The following IL17RE variants were observed in gnomAD, a reference collection of about 807,000 sequenced individuals.
The protein encoded by IL17RE is interleukin 17 receptor E, also known as interleukin-17 receptor E.
In IL17RE, 47 loss-of-function variants were observed where a neutral mutation model predicts 70.7. The ratio of observed to expected loss-of-function variants is 0.67; its 90% CI spans 0.53 to 0.85. The LOEUF (loss-of-function observed/expected upper bound fraction) is 0.85, where lower values mean the gene tolerates loss of function less well. IL17RE is among the 40% of genes least tolerant of loss of function. The pLI, the probability that IL17RE is intolerant of heterozygous loss-of-function variation, is 0.00. For synonymous variants in IL17RE, 372 were observed against 381.2 expected, an observed-to-expected ratio of 0.98 and a Z score of 0.28; for missense variants, 850 against 893.9, an observed-to-expected ratio of 0.95 and a Z score of 0.63.
In IL17RE at chr3:9,907,163, A is replaced by G. The variant is rs367864144; in HGVS notation, c.666+63A>G. ...ACAGTGCTAGCAAAAGAGGCCACCC[A>G]TTGTACAAATGAGGAAACTGAGGCC... On this transcript the variant is annotated intron_variant, in intron 6 of 15. Transcript: ENST00000383814. 4.1e-3 allele frequency: 6,570 copies of G among 1,597,860 alleles called. 179 individuals carry two copies. The South Asian group carries it at 0.048, about 12-fold the overall frequency.
Position 9,915,612 on chromosome 3 carries a change from C to T in IL17RE, c.1809C>T (p.Ile603=), listed in dbSNP as rs1204937378. Residue 603 remains isoleucine, a synonymous_variant, in exon 16 of 16, where the codon ATC becomes ATT. Coordinates refer to ENST00000383814, the MANE Select transcript of IL17RE (RefSeq NM_153480.2). The surrounding 1 kb of genome is among the most constrained non-coding windows in gnomAD (Gnocchi z 4.9). ...YFSRLCAKGD[I]PPPLRALPRY... ...GTCGCCTCTGCGCCAAGGGCGACATCCCCCCGCCGCTGCGCGCCCTGCCGC... is the reference window on the plus strand; with the variant it reads ...GTCGCCTCTGCGCCAAGGGCGACATTCCCCCGCCGCTGCGCGCCCTGCCGC... 1.2e-4 allele frequency: 176 copies of T among 1,415,746 alleles called. No individual in the cohort carries two copies. Among genetic ancestry groups the T allele is most frequent in the Non-Finnish European group, 1.5e-4 (163 of 1,088,288 alleles). The allele number at this position is 1,415,746 out of a possible 1,614,324, so 87.7% of individuals were successfully genotyped here.
chr3:9,904,216 G>A, intron 3 of IL17RE, 65 bp downstream of exon 3: 1 of 1,576,076 alleles, frequency 6.3e-7, no homozygotes, highest in Non-Finnish European at 8.7e-7. Flanking sequence ...CACCTAGGCT[G>A]AGCAAGTGGG....
intron 12 of IL17RE, among the ~76,000 whole-genome samples, chr3:9,912,861 T>C (rs1351562295): frequency 6.6e-6 from 1 of 152,122 alleles, no homozygotes; most frequent in African/African-American, 2.4e-5. Context: ...AGCATAAGAC[T>C]CTGACTCTAA....
intron 2 of IL17RE, among the ~76,000 whole-genome samples, chr3:9,903,800 C>T (rs151135384): frequency 1.3e-5 from 2 of 152,292 alleles, no homozygotes; most frequent in East Asian, 3.9e-4. Flanking sequence ...AACAATAATC[C>T]TTCCTATTTT....
At position 9,915,326 on chromosome 3, in the gene IL17RE, T is replaced by C. The variant is rs1005167246; in HGVS notation, c.1523T>C (p.Leu508Pro). 4 of 1,397,096 alleles carry C rather than the reference T, an allele frequency of 2.9e-6. No homozygotes were observed. Among genetic ancestry groups the C allele is most frequent in the Non-Finnish European group, 2.8e-6 (3 of 1,084,594 alleles). 86.5% of individuals were successfully genotyped at this position (1,397,096 alleles called of 1,614,324 possible). A position where few individuals can be genotyped will look rare whatever the true frequency, so the allele number is the denominator to read the frequency against. The change falls in exon 16 of 16, where the codon CTG becomes CCG. Residue 508 changes from leucine to proline, a missense_variant. Transcript: ENST00000383814. This position sits in a 1 kb window ranked among gnomAD's most constrained non-coding sequence, Gnocchi z 4.9. ...SEAQRRLVGA[L>P]AELLRAALGG... ...GCGCAGCGGCGCCTGGTGGGAGCGC[T>C]GGCTGAACTGCTACGGGCAGCGCTG...
chr3:9,911,576 C>G lies in IL17RE; in HGVS notation c.1206C>G (p.Pro402=), dbSNP rs905537517. 1 of 1,613,656 alleles carries G rather than the reference C, an allele frequency of 6.2e-7. No homozygotes were observed. Among genetic ancestry groups the G allele is most frequent in the East Asian group, 2.2e-5 (1 of 44,848 alleles). Residue 402 remains proline, a synonymous_variant, in exon 12 of 16, where the codon CCC becomes CCG. Transcript: ENST00000383814. ...LPGLGQDTLV[P]PVYTVSQARG... ...GCTTGGGGCAGGACACTTTGGTGCC[C>G]CCCGTGTACACTGTCAGCCAGGTAT...
At chr3:9,914,256 G>C in intron 13 of IL17RE, 1 of 715,190 alleles carries the variant, frequency 1.4e-6, no homozygotes, top group South Asian at 2.0e-5. Context: ...GGTGACAATG[G>C]CCTGGAGCTC....
intron 12 of IL17RE, among the ~76,000 whole-genome samples, chr3:9,913,036 G>A (rs1240566335): frequency 6.6e-6 from 1 of 152,082 alleles, no homozygotes; most frequent in South Asian, 2.1e-4. Context: ...TATTTAAAAA[G>A]ACATTCATGT....
chr3:9,915,529 C>T lies in IL17RE; in HGVS notation c.1726C>T (p.Pro576Ser). 2 of 1,339,468 alleles carry T rather than the reference C, an allele frequency of 1.5e-6. No individual in the cohort carries two copies. Among genetic ancestry groups the T allele is most frequent in the Non-Finnish European group, 1.9e-6 (2 of 1,052,084 alleles). The allele number at this position is 1,339,468 out of a possible 1,614,324, so 83.0% of individuals were successfully genotyped here. A position where few individuals can be genotyped will look rare whatever the true frequency, so the allele number is the denominator to read the frequency against. The change falls in exon 16 of 16, where the codon CCC (proline) becomes TCC (serine). Residue 576 changes from proline to serine, a missense_variant. Physicochemically the swap from Pro to Ser is moderately conservative, Grantham distance 74. Transcript: ENST00000383814. This position sits in a 1 kb window ranked among gnomAD's most constrained non-coding sequence, Gnocchi z 4.9. ...CAGCGGCCCCGACCCCCGCGCCGCG[C>T]CCCTGCTCGCCCTGCTCCACGCTGC... Reference protein sequence around the residue: ...PVSGPDPRAAPLLALLHAAPR... With the variant: ...PVSGPDPRAASLLALLHAAPR...
At position 9,914,524 on chromosome 3, in the gene IL17RE, G is replaced by C. The variant is rs1177643229; in HGVS notation, c.1297-24G>C. 3 of 1,613,492 alleles carry C rather than the reference G, an allele frequency of 1.9e-6. No homozygotes were observed. The South Asian group carries it at 3.3e-5, about 18-fold the overall frequency. ...GGAGGAGAAGATGCCTGGCTCATAG[G>C]GGTGGGGGGCTCTGTGCCCTCAGGT... On this transcript the variant is annotated intron_variant, in intron 13 of 15. Transcript: ENST00000383814.
chr3:9,908,368 C>T, intron 7 of IL17RE, 61 bp downstream of exon 7: 1 of 1,444,970 alleles, frequency 6.9e-7, no homozygotes, highest in Admixed American at 1.7e-5. Context: ...CAAGGTAGCG[C>T]AGTTGGTCAA....
At chr3:9,906,577 C>T in intron 4 of IL17RE, 116 bp downstream of exon 4, 1 of 1,343,124 alleles carries the variant, frequency 7.4e-7, no homozygotes, top group East Asian at 2.3e-5. Context: ...AGTATTCTGT[C>T]TATTACACAG....
intron 7 of IL17RE, 139 bp from the exon 8 acceptor site, chr3:9,909,078 G>T: frequency 1.9e-4 from 117 of 608,558 alleles, no homozygotes; most frequent in Middle Eastern, 9.3e-4. Context: ...ACCCCACATT[G>T]CCCCCTCCTG....
chr3:9,905,947 C>T (rs2082743719), intron 3 of IL17RE, among the ~76,000 whole-genome samples: 1 of 152,118 alleles, frequency 6.6e-6, no homozygotes, highest in Non-Finnish European at 1.5e-5. Flanking sequence ...GACATCCTTA[C>T]CCTCCTTGAT....
At chr3:9,902,691 A>T, upstream of IL17RE, 1 of 1,536,078 alleles carries the variant, frequency 6.5e-7, no homozygotes, top group Non-Finnish European at 8.7e-7. Flanking sequence ...CTTGTCTTTC[A>T]GGTGGGGGGC....
chr3:9,910,770 T>C lies in IL17RE; in HGVS notation c.803-95T>C, dbSNP rs999987845. The stretch of plus-strand genomic sequence containing the variant: ...GGCCAGGAATAGTGCTGGTTACTTT[T>C]ACAAACATTATCTCCAGCTGCCCCC... On this transcript the variant is annotated intron_variant, in intron 8 of 15. Transcript: ENST00000383814. 11 of 1,115,268 alleles carry C rather than the reference T, an allele frequency of 9.9e-6. No individual in the cohort carries two copies. The East Asian group carries it at 2.3e-4, about 23-fold the overall frequency. The allele number at this position is 1,115,268 out of a possible 1,614,324, so 69.1% of individuals were successfully genotyped here.
chr3:9,913,044 T>C (rs1199725980), intron 12 of IL17RE, among the ~76,000 whole-genome samples: 2 of 152,186 alleles, frequency 1.3e-5, no homozygotes, highest in Admixed American at 6.5e-5. Flanking sequence ...AAGACATTCA[T>C]GTGCATATAC....
At chr3:9,905,457 A>AAAGGAAGGAAGG (rs576448059) in intron 3 of IL17RE, among the ~76,000 whole-genome samples, 1 of 151,880 alleles carries the variant, frequency 6.6e-6, no homozygotes, top group Non-Finnish European at 1.5e-5. Flanking sequence ...TCCTGTCAAG[A>AAAGGAAGGAAGG]AAGGAAGGAA....
intron 11 of IL17RE, 33 bp downstream of exon 11, chr3:9,911,333 C>G (rs755053911): frequency 6.2e-7 from 1 of 1,613,868 alleles, no homozygotes; most frequent in Admixed American, 1.7e-5. Flanking sequence ...CTGGGACCCC[C>G]TGCCCCATTT....
Sources: allele counts gnomAD v4.1 joint callset (sites outside exome capture counted in the v4.1 genomes callset), GRCh38; gene constraint gnomAD v4.1.1; non-coding constraint Gnocchi (gnomAD v3.1); transcripts MANE v1.5; gene names NCBI Gene and HGNC (gene_info 2026-07-23, HGNC 2026-07-21).